Variants in ATXN10 observed in about 807,000 individuals in gnomAD.
ATXN10 encodes the protein ataxin 10, also known as ataxin-10.
ATXN10 carries 28 observed loss-of-function variants against 52.9 expected under a neutral mutation model. The observed-to-expected ratio is 0.53, with a 90% CI of 0.39 to 0.73. ATXN10 has a LOEUF of 0.73. ATXN10 is among the 30% of genes least tolerant of loss of function. The pLI, the probability that ATXN10 is intolerant of heterozygous loss-of-function variation, is 0.00. For synonymous variants in ATXN10, 226 were observed against 221.5 expected (o/e 1.02, Z -0.18); for missense variants, 565 against 577.0 (o/e 0.98, Z 0.21).
rs1929214944 is a variant in ATXN10 at position 45,837,741 on chromosome 22, G to A, written c.1238-5250G>A. 6.6e-6 allele frequency among the ~76,000 whole-genome samples: 1 copy of A among 152,268 alleles called. No homozygotes were observed. Among genetic ancestry groups the A allele is most frequent in the African/African-American group, 2.4e-5 (1 of 41,464 alleles). ...TGACAGCAGCCGCCAACACAGGCAA[G>A]TGATGGGCATGGCTGTGTGCCGTAG... On this transcript the variant is annotated intron_variant, in intron 10 of 11. Transcript: ENST00000252934. The surrounding 1 kb of genome is among the most constrained non-coding windows in gnomAD (Gnocchi z 5.8).
chr22:45,711,504 C>A (rs1001938885), intron 5 of ATXN10, among the ~76,000 whole-genome samples: 2 of 152,150 alleles, frequency 1.3e-5, no homozygotes, highest in Middle Eastern at 3.4e-3. Flanking sequence ...ACAGCTACTC[C>A]TGAGTAAAGG....
At position 45,775,429 on chromosome 22, in the gene ATXN10, G is replaced by A. The variant is rs1926917013; in HGVS notation, c.1174-31530G>A. ...GGGTTTGTAGAACGGGTGGGTGCTT[G>A]CTGAAAGTTTATATTCATTCCATAT... On this transcript the variant is annotated intron_variant, in intron 9 of 11. Coordinates refer to ENST00000252934, the MANE Select transcript of ATXN10 (RefSeq NM_013236.4). The surrounding 1 kb of genome is among the most constrained non-coding windows in gnomAD (Gnocchi z 4.7). Among the ~76,000 whole-genome samples the A allele has an allele frequency of 6.6e-6, 1 of 152,184 alleles. No homozygotes were observed. Among genetic ancestry groups the A allele is most frequent in the African/African-American group, 2.4e-5 (1 of 41,432 alleles).
At chr22:45,694,281 G>T (rs566253694) in intron 3 of ATXN10, among the ~76,000 whole-genome samples, 20 of 152,068 alleles carry the variant, frequency 1.3e-4, no homozygotes, top group Admixed American at 3.3e-4. Flanking sequence ...AAAAAAAAAC[G>T]TAGATTTTTA....
chr22:45,707,269 T>C (rs529644918), intron 5 of ATXN10, among the ~76,000 whole-genome samples: 4 of 152,260 alleles, frequency 2.6e-5, no homozygotes, highest in Non-Finnish European at 2.9e-5. Flanking sequence ...ACAGGTGAGG[T>C]ATGAGCTTTT....
chr22:45,724,457 G>A (rs1431089053), intron 6 of ATXN10, among the ~76,000 whole-genome samples: 1 of 152,018 alleles, frequency 6.6e-6, no homozygotes, highest in East Asian at 1.9e-4. Context: ...TTGGCCATTT[G>A]TAGATCTTCT....
rs1039996952 is a variant in ATXN10 at position 45,825,146 on chromosome 22, G to T, written c.1238-17845G>T. On this transcript the variant is annotated intron_variant, in intron 10 of 11. Coordinates refer to ENST00000252934, the MANE Select transcript of ATXN10 (RefSeq NM_013236.4). The surrounding 1 kb of genome is among the most constrained non-coding windows in gnomAD (Gnocchi z 4.5). ...GGGTGGGCCAAAAAGACCCTGACAT[G>T]CAAATATCTGGGGTCAGTGCTCTGA... Among the ~76,000 whole-genome samples the T allele has an allele frequency of 6.6e-6, 1 of 152,190 alleles. No individual in the cohort carries two copies. The highest frequency in any genetic ancestry group is 2.4e-5 in the African/African-American group (1 of 41,444).
At chr22:45,695,916 G>A (rs758937622) in intron 3 of ATXN10, among the ~76,000 whole-genome samples, 18 of 152,124 alleles carry the variant, frequency 1.2e-4, no homozygotes, top group African/African-American at 3.6e-4. Context: ...GCACTGCCTG[G>A]TTTGGTTTAA....
intron 5 of ATXN10, among the ~76,000 whole-genome samples, chr22:45,706,089 T>C (rs901705213): frequency 6.6e-6 from 1 of 152,200 alleles, no homozygotes; most frequent in Admixed American, 6.5e-5. Context: ...AGTTTCTTCC[T>C]GAAACCGTCC....
At chr22:45,680,953 T>A (rs1285509177) in intron 1 of ATXN10, among the ~76,000 whole-genome samples, 2 of 152,194 alleles carry the variant, frequency 1.3e-5, no homozygotes, top group Non-Finnish European at 2.9e-5. Flanking sequence ...CTGTTTTCTC[T>A]CCTGCACTCA....
At chr22:45,685,455 C>G (rs990835332) in intron 1 of ATXN10, among the ~76,000 whole-genome samples, 1 of 152,224 alleles carries the variant, frequency 6.6e-6, no homozygotes, top group South Asian at 2.1e-4. Context: ...TTTTTAAAGT[C>G]GCTGTACATT....
At chr22:45,674,777 C>G (rs1166772205) in intron 1 of ATXN10, 1 of 152,172 alleles carries the variant, frequency 6.6e-6, no homozygotes, top group Non-Finnish European at 1.5e-5. Context: ...AGATTCTTCT[C>G]TTTTGGTGGA....
chr22:45,740,709 CACACACACACAT>C (rs1259505140), intron 9 of ATXN10, 171 bp downstream of exon 9: 6 of 396,242 alleles, frequency 1.5e-5, no homozygotes, highest in African/African-American at 1.1e-4. Context: ...CACACACACA[CACACACACACAT>C]ATATATACAC....
At chr22:45,834,544 A>G (rs1024099734) in intron 10 of ATXN10, among the ~76,000 whole-genome samples, 2 of 152,236 alleles carry the variant, frequency 1.3e-5, no homozygotes, top group Admixed American at 6.5e-5. Context: ...CTCCTGCAGC[A>G]TGAAGGCTGA....
chr22:45,747,847 G>A (rs747695438), intron 9 of ATXN10, among the ~76,000 whole-genome samples: 21 of 151,490 alleles, frequency 1.4e-4, no homozygotes, highest in East Asian at 2.0e-4. Context: ...TTCGGAAGCC[G>A]AGGCAGGAGG....
At chr22:45,792,838 G>T in intron 9 of ATXN10, 2 of 525,184 alleles carry the variant, frequency 3.8e-6, no homozygotes, top group South Asian at 1.5e-5. Context: ...AGAGTCATTG[G>T]CTTTGGTGAA....
chr22:45,827,930 A>G (rs933259357), intron 10 of ATXN10, among the ~76,000 whole-genome samples: 5 of 152,236 alleles, frequency 3.3e-5, no homozygotes, highest in African/African-American at 1.2e-4. Context: ...ATCTTTTCTG[A>G]CTACAACTGG....
At chr22:45,672,232 C>G in intron 1 of ATXN10, 53 bp downstream of exon 1, 1 of 1,433,466 alleles carries the variant, frequency 7.0e-7, no homozygotes, top group Non-Finnish European at 9.1e-7. Context: ...GGCCGGGACT[C>G]CCGCGGCGGC....
At position 45,812,099 on chromosome 22, in the gene ATXN10, C is replaced by A. The variant is rs141914633; in HGVS notation, c.1237+5077C>A. On this transcript the variant is annotated intron_variant, in intron 10 of 11. Transcript: ENST00000252934. ...TTGTCCAAGCACATCTCTGCTTGTG[C>A]TCCTCCTGGGCTTGGTCATCCTCAT... Among the ~76,000 whole-genome samples, 528 of 152,314 alleles carry A rather than the reference C, an allele frequency of 3.5e-3. 8 individuals carry two copies. Among genetic ancestry groups the A allele is most frequent in the Admixed American group, 0.01 (160 of 15,294 alleles).
chr22:45,807,323 C>T lies in ATXN10; in HGVS notation c.1237+301C>T, dbSNP rs117238687. ...TGCAAGGCACTGTGCTGCGCATCAC[C>T]GGTGTCACCTTTCCAGTGTGTGTGT... On this transcript the variant is annotated intron_variant, in intron 10 of 11. Transcript: ENST00000252934. Among the ~76,000 whole-genome samples, 52 of 152,286 alleles carry T rather than the reference C, an allele frequency of 3.4e-4. 1 individual carries two copies. The East Asian group carries it at 9.5e-3, about 28-fold the overall frequency.
Sources: allele counts gnomAD v4.1 joint callset (sites outside exome capture counted in the v4.1 genomes callset), GRCh38; gene constraint gnomAD v4.1.1; non-coding constraint Gnocchi (gnomAD v3.1); transcripts MANE v1.5; gene names NCBI Gene and HGNC (gene_info 2026-07-23, HGNC 2026-07-21).